Variants in MACROD2 observed in about 807,000 individuals in gnomAD.
The protein encoded by MACROD2 is ADP-ribose glycohydrolase MACROD2.
A neutral mutation model predicts 70.4 loss-of-function variants in MACROD2; 36 were observed. The observed-to-expected ratio is 0.51, with a 90% CI of 0.39 to 0.68. MACROD2 has a LOEUF of 0.68. Among genes scored for constraint, MACROD2 ranks in the 30% least tolerant of loss-of-function variants. The pLI is 0.00. For missense variants in MACROD2, 496 were observed against 538.4 expected (o/e 0.92, Z 0.78); for synonymous variants, 172 against 178.8 (o/e 0.96, Z 0.30).
intron 5 of MACROD2, among the ~76,000 whole-genome samples, chr20:14,845,739 C>G (rs778782344): frequency 6.6e-6 from 1 of 151,848 alleles, no homozygotes; most frequent in African/African-American, 2.4e-5. Flanking sequence ...GAGGAGTGCC[C>G]CATACCTTCC....
chr20:14,788,248 A>T (rs747682182), intron 5 of MACROD2, among the ~76,000 whole-genome samples: 21 of 152,032 alleles, frequency 1.4e-4, no homozygotes, highest in Non-Finnish European at 2.8e-4. Context: ...GCCTCTGGGG[A>T]TAAGCAGTGT....
chr20:15,916,308 G>A (rs144415604), intron 10 of MACROD2, among the ~76,000 whole-genome samples: 8 of 152,314 alleles, frequency 5.3e-5, no homozygotes, highest in African/African-American at 1.7e-4. Context: ...ATGGCAGCTG[G>A]CTTCCCTGAG....
At chr20:14,507,630 AATTAT>A (rs780388761) in intron 4 of MACROD2, among the ~76,000 whole-genome samples, 4 of 152,178 alleles carry the variant, frequency 2.6e-5, no homozygotes, top group Non-Finnish European at 5.9e-5. Context: ...AATTTCAGAG[AATTAT>A]ATTATATTGC....
rs576222688 is a variant in MACROD2 at position 14,596,829 on chromosome 20, G to T, written c.302-88014G>T. 2.2e-4 allele frequency among the ~76,000 whole-genome samples: 33 copies of T among 152,178 alleles called. No individual in the cohort carries two copies. The South Asian group carries it at 2.5e-3, about 11-fold the overall frequency. On this transcript the variant is annotated intron_variant, in intron 4 of 17. Transcript: ENST00000684519. ...CACCTACCTCATTGTTTTGCCTTAA[G>T]AATCAAATGAAGTATGTTTGTACAT...
chr20:15,049,282 GGAAA>G (rs1290893736), intron 5 of MACROD2, among the ~76,000 whole-genome samples: 1 of 151,120 alleles, frequency 6.6e-6, no homozygotes, highest in Non-Finnish European at 1.5e-5. Context: ...GGGTAGGAAG[GGAAA>G]GAAAGAGGGA....
chr20:13,998,705 C>T (rs1344668005), intron 1 of MACROD2, among the ~76,000 whole-genome samples: 1 of 152,120 alleles, frequency 6.6e-6, no homozygotes, highest in Admixed American at 6.6e-5. Flanking sequence ...CCTGTAATCC[C>T]AGCACTTTGG....
chr20:14,267,551 T>C (rs1198782307), intron 3 of MACROD2, among the ~76,000 whole-genome samples: 1 of 152,064 alleles, frequency 6.6e-6, no homozygotes, highest in Admixed American at 6.5e-5. Context: ...CAAGAAGGGC[T>C]TAGAGATAGG....
chr20:14,291,290 G>A (rs2082384108), intron 3 of MACROD2, among the ~76,000 whole-genome samples: 1 of 152,196 alleles, frequency 6.6e-6, no homozygotes, highest in Non-Finnish European at 1.5e-5. Context: ...GTAAGGAAAA[G>A]TGCCAGAGAA....
chr20:15,189,403 C>G (rs1238673347), intron 5 of MACROD2, among the ~76,000 whole-genome samples: 1 of 152,180 alleles, frequency 6.6e-6, no homozygotes, highest in East Asian at 1.9e-4. Context: ...AAGAGAGAAG[C>G]TGAATAATTT....
chr20:15,535,470 C>T (rs543039575), intron 8 of MACROD2, among the ~76,000 whole-genome samples: 2 of 152,350 alleles, frequency 1.3e-5, no homozygotes, highest in East Asian at 3.9e-4. Flanking sequence ...AGGTCAGCAA[C>T]TTCGGTTTTA....
chr20:15,678,870 T>C (rs1383752450), intron 8 of MACROD2, among the ~76,000 whole-genome samples: 1 of 152,130 alleles, frequency 6.6e-6, no homozygotes, highest in African/African-American at 2.4e-5. Context: ...TTTCCTATTT[T>C]CTATGACAGG....
At chr20:15,599,559 C>T (rs1319232322) in intron 8 of MACROD2, among the ~76,000 whole-genome samples, 1 of 152,154 alleles carries the variant, frequency 6.6e-6, no homozygotes, top group African/African-American at 2.4e-5. Flanking sequence ...GCCACTTCAC[C>T]TCCCTGAGTT....
intron 3 of MACROD2, among the ~76,000 whole-genome samples, chr20:14,481,640 T>G (rs927119612): frequency 6.6e-6 from 1 of 152,172 alleles, no homozygotes; most frequent in African/African-American, 2.4e-5. Flanking sequence ...TGAAATAATT[T>G]GGGAGAAATA....
intron 3 of MACROD2, among the ~76,000 whole-genome samples, chr20:14,463,129 A>G (rs2084392867): frequency 6.6e-6 from 1 of 152,036 alleles, no homozygotes; most frequent in Non-Finnish European, 1.5e-5. Context: ...CTTGGGCAGT[A>G]TGGCCATTTT....
chr20:14,928,447 T>C (rs1024934695), intron 5 of MACROD2, among the ~76,000 whole-genome samples: 3 of 152,206 alleles, frequency 2.0e-5, no homozygotes, highest in African/African-American at 7.2e-5. Context: ...AAGGTTGTGA[T>C]TTGAAAGATA....
intron 15 of MACROD2, among the ~76,000 whole-genome samples, chr20:16,004,199 G>A (rs1315473742): frequency 6.6e-6 from 1 of 152,168 alleles, no homozygotes; most frequent in Non-Finnish European, 1.5e-5. Context: ...CCAACCCACA[G>A]TATGTCGGAG....
At chr20:14,717,888 G>C (rs74607558) in intron 5 of MACROD2, among the ~76,000 whole-genome samples, 2,078 of 152,222 alleles carry the variant, frequency 0.014, 46 homozygotes, top group African/African-American at 0.047. Flanking sequence ...GAGGCAGATA[G>C]ATAAAGTAGG....
chr20:15,096,817 T>A (rs1237883614), intron 5 of MACROD2, among the ~76,000 whole-genome samples: 4 of 144,600 alleles, frequency 2.8e-5, no homozygotes, highest in Non-Finnish European at 4.5e-5. Context: ...AATTTTTTTT[T>A]TTTTTTTTTT....
chr20:15,678,608 C>A (rs183329420), intron 8 of MACROD2, among the ~76,000 whole-genome samples: 1 of 152,222 alleles, frequency 6.6e-6, no homozygotes, highest in African/African-American at 2.4e-5. Context: ...ATCCGCCTGG[C>A]AAGGCCCTAT....
Sources: allele counts gnomAD v4.1 joint callset (sites outside exome capture counted in the v4.1 genomes callset), GRCh38; gene constraint gnomAD v4.1.1; transcripts MANE v1.5; gene names NCBI Gene and HGNC (gene_info 2026-07-23, HGNC 2026-07-21).